ARRB1: variants seen among roughly 807,000 people sequenced by gnomAD.
The protein encoded by ARRB1 is arrestin beta 1.
A neutral mutation model predicts 56.8 loss-of-function variants in ARRB1; 21 were observed. That is an observed-to-expected ratio of 0.37 (90% CI 0.26 to 0.53). The LOEUF (loss-of-function observed/expected upper bound fraction) is 0.53, where lower values mean the gene tolerates loss of function less well. ARRB1 is among the 20% of genes least tolerant of loss of function. The probability of loss-of-function intolerance (pLI) is 0.88; values close to 1 mark genes in which losing one functional copy is unlikely to be tolerated. For missense variants in ARRB1, 424 were observed against 553.7 expected (o/e 0.77, Z 2.35); for synonymous variants, 210 against 218.6 (o/e 0.96, Z 0.35).
intron 6 of ARRB1, among the ~76,000 whole-genome samples, chr11:75,281,348 A>G (rs1173646038): frequency 6.6e-6 from 1 of 152,076 alleles, no homozygotes; most frequent in African/African-American, 2.4e-5. Context: ...GACATGGGAC[A>G]TCTCGAACCA....
intron 12 of ARRB1, among the ~76,000 whole-genome samples, chr11:75,272,026 G>A (rs147166849): frequency 6.6e-6 from 1 of 152,286 alleles, no homozygotes; most frequent in African/African-American, 2.4e-5. Flanking sequence ...AAGGGAGGCC[G>A]GACTATCTAA....
At chr11:75,280,290 T>G (rs917811058) in intron 7 of ARRB1, among the ~76,000 whole-genome samples, 2 of 152,154 alleles carry the variant, frequency 1.3e-5, no homozygotes, top group Admixed American at 6.5e-5. Flanking sequence ...CACACACAGC[T>G]GCCAGGGCTG....
Position 75,290,056 on chromosome 11 carries a change from A to C in ARRB1, c.21-17T>G. ...TTGAACACTCTGTGGAGAGAAAGAG[A>C]GGTCAGGCCAGGGTTCGCGTATCCT... On this transcript the variant is annotated splice_polypyrimidine_tract_variant and intron_variant, in intron 1 of 15. Transcript: ENST00000420843. 6.2e-7 allele frequency: 1 copy of C among 1,614,062 alleles called. No homozygotes were observed. The highest frequency in any genetic ancestry group is 8.5e-7 in the Non-Finnish European group (1 of 1,179,992).
intron 1 of ARRB1, chr11:75,303,669 A>G (rs1267833761): frequency 2.2e-6 from 1 of 456,070 alleles, no homozygotes; most frequent in East Asian, 6.9e-5. Context: ...GAAGGCAGAC[A>G]CTCAGTGAAC....
At chr11:75,342,004 T>C (rs144473715) in intron 1 of ARRB1, among the ~76,000 whole-genome samples, 27 of 152,316 alleles carry the variant, frequency 1.8e-4, no homozygotes, top group Middle Eastern at 3.4e-3. Flanking sequence ...GAAAGGGTCC[T>C]AGGGAGGAGC....
At chr11:75,348,424 C>T (rs542865852) in intron 1 of ARRB1, among the ~76,000 whole-genome samples, 1 of 152,116 alleles carries the variant, frequency 6.6e-6, no homozygotes, top group East Asian at 1.9e-4. Context: ...TTATGACCAC[C>T]TGCTCTGCTC....
chr11:75,287,402 T>C, intron 2 of ARRB1, 27 bp from the exon 3 acceptor site: 1 of 1,554,018 alleles, frequency 6.4e-7, no homozygotes, highest in Non-Finnish European at 8.7e-7. Context: ...TAGGGGGCGT[T>C]AGCAGCTGCA....
chr11:75,331,982 T>C (rs993870774), intron 1 of ARRB1, among the ~76,000 whole-genome samples: 3 of 152,070 alleles, frequency 2.0e-5, no homozygotes, highest in African/African-American at 7.2e-5. Context: ...GACATTACCT[T>C]GTGACATTCC....
At chr11:75,275,089 A>G (rs1946165827) in intron 10 of ARRB1, among the ~76,000 whole-genome samples, 1 of 147,358 alleles carries the variant, frequency 6.8e-6, no homozygotes, top group Non-Finnish European at 1.5e-5. Flanking sequence ...TGGGCAACAG[A>G]GTGAAACTCT....
intron 1 of ARRB1, among the ~76,000 whole-genome samples, chr11:75,334,789 C>A (rs1024409349): frequency 6.6e-6 from 1 of 152,190 alleles, no homozygotes; most frequent in South Asian, 2.1e-4. Flanking sequence ...GGGCTCTAAC[C>A]TATGACAGAT....
intron 15 of ARRB1, among the ~76,000 whole-genome samples, chr11:75,267,222 G>A (rs1297034726): frequency 6.6e-6 from 1 of 152,210 alleles, no homozygotes; most frequent in African/African-American, 2.4e-5. Flanking sequence ...GCCTTTGACT[G>A]CAGGGAAATC....
Position 75,266,142 on chromosome 11 carries a change from G to T in ARRB1, c.*21C>A. 1 of 1,593,878 alleles carries T rather than the reference G, an allele frequency of 6.3e-7. No homozygotes were observed. The highest frequency in any genetic ancestry group is 1.1e-5 in the South Asian group (1 of 90,704). On this transcript the variant is annotated 3_prime_UTR_variant, in exon 16 of 16. Transcript: ENST00000420843. ...TGCACGAGAGTGGAGCCGGAGCCAC[G>T]TGGAGGCAGGGCCGGCCCGTCTATC...
chr11:75,307,278 A>G (rs1947054223), intron 1 of ARRB1, among the ~76,000 whole-genome samples: 1 of 152,144 alleles, frequency 6.6e-6, no homozygotes, highest in Admixed American at 6.5e-5. Flanking sequence ...AAGGCCATAA[A>G]TGGGGTTTCT....
In ARRB1 at chr11:75,265,156, C is replaced by G. The variant is rs1412205211; in HGVS notation, c.*1007G>C. ...GGGTCAGTCCAGCCCTGGAGAATGG[C>G]AGGGGGAAGCAGGAGGATACTAGTG... On this transcript the variant is annotated 3_prime_UTR_variant, in exon 16 of 16. Coordinates refer to ENST00000420843, the MANE Select transcript of ARRB1 (RefSeq NM_004041.5). 1 of 152,430 alleles carries G rather than the reference C, an allele frequency of 6.6e-6. No homozygotes were observed. The highest frequency in any genetic ancestry group is 6.5e-5 in the Admixed American group (1 of 15,292). The allele number at this position is 152,430 out of a possible 1,614,324, so 9.4% of individuals were successfully genotyped here. A position where few individuals can be genotyped will look rare whatever the true frequency, so the allele number is the denominator to read the frequency against.
chr11:75,267,625 GAT>G, intron 15 of ARRB1, 25 bp downstream of exon 15: 2 of 1,315,436 alleles, frequency 1.5e-6, no homozygotes, highest in East Asian at 7.0e-5. Context: ...CCCACCCCCG[GAT>G]GTCTGCAGGC....
chr11:75,268,461 C>A (rs779937923), intron 14 of ARRB1, among the ~76,000 whole-genome samples: 1 of 140,862 alleles, frequency 7.1e-6, no homozygotes, highest in South Asian at 2.2e-4. Context: ...GCTAAGATCA[C>A]GTCACTGCAC....
rs1945843597 is a variant in ARRB1 at position 75,263,467 on chromosome 11, GT to G, written c.*2695del. Reference sequence around the variant, plus strand: ...GTCACTCCCAAAGCTGTGCGTTCTAGTGTAGGTCTGAATCCACCTGGAAAGG... The same window carrying G: ...GTCACTCCCAAAGCTGTGCGTTCTAGGTAGGTCTGAATCCACCTGGAAAGG... On this transcript the variant is annotated 3_prime_UTR_variant, in exon 16 of 16. Transcript: ENST00000420843. Among the ~76,000 whole-genome samples, 1 of 152,246 alleles carries G rather than the reference GT, an allele frequency of 6.6e-6. No individual in the cohort carries two copies. Among genetic ancestry groups the G allele is most frequent in the Non-Finnish European group, 1.5e-5 (1 of 68,046 alleles).
chr11:75,325,809 A>T (rs1317633345), intron 1 of ARRB1, among the ~76,000 whole-genome samples: 1 of 151,978 alleles, frequency 6.6e-6, no homozygotes, highest in Non-Finnish European at 1.5e-5. Context: ...CTCTCTCTGG[A>T]CCTCACTAAC....
chr11:75,281,818 G>A lies in ARRB1; in HGVS notation c.414+144C>T, dbSNP rs1228605197. 6 of 794,036 alleles carry A rather than the reference G, an allele frequency of 7.6e-6. No homozygotes were observed. In the East Asian group the frequency reaches 1.6e-4, roughly 21 times the overall value. The allele number at this position is 794,036 out of a possible 1,614,324, so 49.2% of individuals were successfully genotyped here. A position where few individuals can be genotyped will look rare whatever the true frequency, so the allele number is the denominator to read the frequency against. ...GTCTGAAGAGAGACTGGTTGTCCAAGGTGGGACCAGCTTAGCCTAGACACA... is the reference window on the plus strand; with the variant it reads ...GTCTGAAGAGAGACTGGTTGTCCAAAGTGGGACCAGCTTAGCCTAGACACA... On this transcript the variant is annotated intron_variant, in intron 6 of 15. Coordinates refer to ENST00000420843, the MANE Select transcript of ARRB1 (RefSeq NM_004041.5).
Sources: allele counts gnomAD v4.1 joint callset (sites outside exome capture counted in the v4.1 genomes callset), GRCh38; gene constraint gnomAD v4.1.1; transcripts MANE v1.5; gene names NCBI Gene and HGNC (gene_info 2026-07-23, HGNC 2026-07-21).